Variants in BCL11A observed in about 807,000 individuals in gnomAD.
BCL11A encodes BCL11 transcription factor A, also known as B cell CLL/lymphoma 11A.
BCL11A carries 2 observed loss-of-function variants against 55.9 expected under a neutral mutation model. The observed-to-expected ratio is 0.04, with a 90% CI of 0.01 to 0.11. The LOEUF (loss-of-function observed/expected upper bound fraction) is 0.11, where lower values mean the gene tolerates loss of function less well. Ranked by LOEUF, BCL11A falls within the 10% of genes least tolerant of loss-of-function variation. The probability of loss-of-function intolerance (pLI) is 1.00; values close to 1 mark genes in which losing one functional copy is unlikely to be tolerated. For synonymous variants in BCL11A, 465 were observed against 473.4 expected (o/e 0.98, Z 0.23); for missense variants, 817 against 1,137.1 (o/e 0.72, Z 4.05).
At chr2:60,489,697 T>C (rs1265174106) in intron 2 of BCL11A, among the ~76,000 whole-genome samples, 1 of 152,240 alleles carries the variant, frequency 6.6e-6, no homozygotes, top group African/African-American at 2.4e-5. Flanking sequence ...CCTTGTTCCC[T>C]GGCTCATCTC....
At chr2:60,467,861 A>G (rs1381303731) in intron 3 of BCL11A, among the ~76,000 whole-genome samples, 8 of 54,168 alleles carry the variant, frequency 1.5e-4, no homozygotes, top group African/African-American at 2.2e-4. Context: ...ACTGGTGGTG[A>G]TGGTACTGGT....
chr2:60,467,118 TG>T (rs1228677198), intron 3 of BCL11A, among the ~76,000 whole-genome samples: 4 of 142,702 alleles, frequency 2.8e-5, no homozygotes, highest in Non-Finnish European at 6.2e-5. Flanking sequence ...GTAGTGGTGG[TG>T]GTGGTGGTGA....
At position 60,460,086 on chromosome 2, in the gene BCL11A, CAA is replaced by C. The variant is rs1676148824; in HGVS notation, c.*316_*317del. On this transcript the variant is annotated 3_prime_UTR_variant, in exon 4 of 4. Coordinates refer to ENST00000642384, the MANE Select transcript of BCL11A (RefSeq NM_022893.4). Reference sequence around the variant, plus strand: ...CATACACAACATGTAAATTATTGCACAAGAGAAAGGCTCAAAGTTTGCGTAAA... The same window carrying C: ...CATACACAACATGTAAATTATTGCACGAGAAAGGCTCAAAGTTTGCGTAAA... 7 of 1,102,564 alleles carry C rather than the reference CAA, an allele frequency of 6.3e-6. No homozygotes were observed. Among genetic ancestry groups the C allele is most frequent in the Non-Finnish European group, 7.7e-6 (7 of 909,064 alleles). 68.3% of individuals were successfully genotyped at this position (1,102,564 alleles called of 1,614,324 possible).
chr2:60,468,824 A>G lies in BCL11A; in HGVS notation c.395T>C (p.Leu132Pro), dbSNP rs764588131. 1 of 1,607,198 alleles carries G rather than the reference A, an allele frequency of 6.2e-7. No individual in the cohort carries two copies. The highest frequency in any genetic ancestry group is 8.5e-7 in the Non-Finnish European group (1 of 1,178,084). ...AGGGGAGGAGAGGCCCCTCCAGTGC[A>G]GAAGTTTATCTGTGAAAGAAACCCA... Reference protein sequence around the residue: ...PKQEHIADKLLHWRGLSSPRS... With the variant: ...PKQEHIADKLPHWRGLSSPRS... The change falls in exon 3 of 4, where the codon CTG (leucine) becomes CCG (proline). Residue 132 changes from leucine to proline, a missense_variant. Coordinates refer to ENST00000642384, the MANE Select transcript of BCL11A (RefSeq NM_022893.4).
chr2:60,482,119 G>A (rs1206787670), intron 2 of BCL11A, among the ~76,000 whole-genome samples: 5 of 152,128 alleles, frequency 3.3e-5, no homozygotes, highest in African/African-American at 1.2e-4. Context: ...GGTGGTTTGA[G>A]CCACTTAGGA....
chr2:60,516,266 C>G (rs943455962), intron 2 of BCL11A, among the ~76,000 whole-genome samples: 2 of 152,344 alleles, frequency 1.3e-5, no homozygotes, highest in East Asian at 3.9e-4. Context: ...CTATTAAACA[C>G]AATGACCCAC....
intron 2 of BCL11A, among the ~76,000 whole-genome samples, chr2:60,489,713 C>A (rs1055022456): frequency 3.9e-5 from 6 of 152,174 alleles, no homozygotes; most frequent in Non-Finnish European, 7.4e-5. Flanking sequence ...ATCTCCTGAG[C>A]CCCCGGGCCG....
At chr2:60,519,266 C>A (rs897624036) in intron 2 of BCL11A, among the ~76,000 whole-genome samples, 11 of 152,270 alleles carry the variant, frequency 7.2e-5, no homozygotes, top group Non-Finnish European at 1.5e-4. Context: ...AGGCATTTTG[C>A]GGTCTTTTTG....
At chr2:60,487,821 C>T (rs543611784) in intron 2 of BCL11A, among the ~76,000 whole-genome samples, 1 of 152,172 alleles carries the variant, frequency 6.6e-6, no homozygotes, top group Non-Finnish European at 1.5e-5. Context: ...ATTTATGAAC[C>T]TTTAATGGGA....
intron 2 of BCL11A, chr2:60,542,035 T>C (rs951408970): frequency 4.9e-6 from 3 of 609,348 alleles, no homozygotes; most frequent in African/African-American, 3.8e-5. Context: ...TGTATTTCCA[T>C]TTTGAATTAC....
At chr2:60,514,350 A>G (rs1668631110) in intron 2 of BCL11A, among the ~76,000 whole-genome samples, 1 of 152,154 alleles carries the variant, frequency 6.6e-6, no homozygotes, top group South Asian at 2.1e-4. Context: ...CTTGGAGAAC[A>G]AGCCATCTGA....
At chr2:60,512,877 C>A (rs1375119380) in intron 2 of BCL11A, among the ~76,000 whole-genome samples, 1 of 152,112 alleles carries the variant, frequency 6.6e-6, no homozygotes, top group African/African-American at 2.4e-5. Flanking sequence ...TGAATAAACC[C>A]AACCACTTTG....
intron 2 of BCL11A, chr2:60,544,489 G>T (rs1670064272): frequency 6.6e-6 from 1 of 152,162 alleles, no homozygotes; most frequent in Non-Finnish European, 1.5e-5. Context: ...TTCCCTAGCA[G>T]CAGATTTCCC....
chr2:60,534,864 T>A (rs191792798), intron 2 of BCL11A: 3 of 152,386 alleles, frequency 2.0e-5, no homozygotes, highest in Admixed American at 1.3e-4. Context: ...AAAGTCATCA[T>A]GTAAATTAAA....
intron 2 of BCL11A, among the ~76,000 whole-genome samples, chr2:60,521,067 G>GCA (rs58564312): frequency 0.048 from 5,629 of 117,660 alleles, 174 homozygotes; most frequent in African/African-American, 0.095. Flanking sequence ...CTAGTGGTCA[G>GCA]CACACACACA....
At chr2:60,484,990 C>G (rs375934246) in intron 2 of BCL11A, among the ~76,000 whole-genome samples, 1 of 149,322 alleles carries the variant, frequency 6.7e-6, no homozygotes, top group Non-Finnish European at 1.5e-5. Context: ...AACCAACCAA[C>G]CAAACAAAAA....
chr2:60,515,886 C>T (rs1458288986), intron 2 of BCL11A, among the ~76,000 whole-genome samples: 3 of 152,202 alleles, frequency 2.0e-5, no homozygotes, highest in Non-Finnish European at 2.9e-5. Flanking sequence ...CACCAGGCTG[C>T]GCTGAACAGG....
chr2:60,455,771 G>T (rs1317013291), downstream of BCL11A, among the ~76,000 whole-genome samples: 1 of 152,184 alleles, frequency 6.6e-6, no homozygotes, highest in Non-Finnish European at 1.5e-5. Flanking sequence ...GAGTAATAGG[G>T]ACACACAGAG....
chr2:60,460,970 C>T lies in BCL11A; in HGVS notation c.1942G>A (p.Ala648Thr). The T allele has an allele frequency of 1.2e-6, 2 of 1,610,190 alleles. No homozygotes were observed. Among genetic ancestry groups the T allele is most frequent in the Non-Finnish European group, 1.7e-6 (2 of 1,177,932 alleles). ...TACACGTTCTCCGTGTTGGGCATCG[C>T]GGCCGGGGGCAGGTCGAACTCCTTC... Reference protein sequence around the residue: ...LEKEFDLPPAAMPNTENVYSQ... With the variant: ...LEKEFDLPPATMPNTENVYSQ... Residue 648 changes from alanine to threonine, a missense_variant, in exon 4 of 4, where the codon GCG becomes ACG. By Grantham distance (58) the Ala-to-Thr change is moderately conservative. Around this residue, in one of 4 missense-constraint regions of BCL11A, gnomAD observed 379 missense variants for 425.3 expected, o/e 0.89. Transcript: ENST00000642384.
Sources: allele counts gnomAD v4.1 joint callset (sites outside exome capture counted in the v4.1 genomes callset), GRCh38; gene constraint gnomAD v4.1.1; regional missense constraint gnomAD v4.1.1; transcripts MANE v1.5; gene names NCBI Gene and HGNC (gene_info 2026-07-23, HGNC 2026-07-21).